UNC79: variants seen among roughly 807,000 people sequenced by gnomAD.
The protein encoded by UNC79 is protein unc-79 homolog.
Under a neutral mutation model 283.1 loss-of-function variants are expected in UNC79, and 37 were observed. The observed-to-expected ratio is 0.13, with a 90% confidence interval of 0.10 to 0.17. The LOEUF is 0.17. Among genes scored for constraint, UNC79 ranks in the 10% least tolerant of loss-of-function variants. The pLI is 1.00. For synonymous variants in UNC79, 1,107 were observed against 1,200.2 expected (o/e 0.92, Z 1.61); for missense variants, 2,272 against 3,211.1 (o/e 0.71, Z 7.07).
intron 1 of UNC79, among the ~76,000 whole-genome samples, chr14:93,370,518 A>G (rs1011502794): frequency 4.8e-4 from 73 of 152,256 alleles, no homozygotes; most frequent in African/African-American, 1.8e-3. Flanking sequence ...CACGCCTGTA[A>G]TCCCATCACG....
Position 93,688,994 on chromosome 14 carries a change from C to T in UNC79, c.7085+154C>T, listed in dbSNP as rs1299955060. On this transcript the variant is annotated intron_variant, in intron 44 of 48. Coordinates refer to ENST00000555664, the Ensembl canonical transcript of UNC79. The surrounding 1 kb of genome is among the most constrained non-coding windows in gnomAD (Gnocchi z 4.0). ...ATGGAAATCAGATCCCATCTCCTTA[C>T]GTACTTGCTGACCCAGAATGCTCTT... 8 of 788,634 alleles carry T rather than the reference C, an allele frequency of 1.0e-5. No homozygotes were observed. Among genetic ancestry groups the T allele is most frequent in the Middle Eastern group, 4.0e-4 (1 of 2,500 alleles). The allele number at this position is 788,634 out of a possible 1,614,324, so 48.9% of individuals were successfully genotyped here. A position where few individuals can be genotyped will look rare whatever the true frequency, so the allele number is the denominator to read the frequency against.
chr14:93,491,897 T>G (rs1350287044), intron 5 of UNC79, among the ~76,000 whole-genome samples: 5 of 152,208 alleles, frequency 3.3e-5, no homozygotes, highest in African/African-American at 1.2e-4. Context: ...CCAAAACTAG[T>G]CTTGTGATAT....
chr14:93,339,430 G>T (rs1457815742), intron 1 of UNC79, among the ~76,000 whole-genome samples: 3 of 152,122 alleles, frequency 2.0e-5, no homozygotes, highest in African/African-American at 7.2e-5. Flanking sequence ...CTCCCGAGTA[G>T]CTGGGACTAC....
intron 41 of UNC79, among the ~76,000 whole-genome samples, chr14:93,682,125 G>A (rs2073895355): frequency 6.6e-6 from 1 of 152,160 alleles, no homozygotes; most frequent in East Asian, 1.9e-4. Context: ...TCAGCACAAA[G>A]GATACATGTG....
chr14:93,520,818 G>A (rs879689799), intron 7 of UNC79, among the ~76,000 whole-genome samples: 2 of 151,634 alleles, frequency 1.3e-5, no homozygotes, highest in African/African-American at 2.4e-5. Context: ...GCTTTCCTTT[G>A]CCAATGTTTA....
intron 47 of UNC79, among the ~76,000 whole-genome samples, chr14:93,699,437 G>A (rs558302487): frequency 1.3e-5 from 2 of 152,086 alleles, no homozygotes; most frequent in South Asian, 4.1e-4. Flanking sequence ...TTTCAATACT[G>A]TTTTAGCTGC....
intron 33 of UNC79, among the ~76,000 whole-genome samples, chr14:93,642,469 C>T (rs1480863432): frequency 3.4e-5 from 5 of 147,766 alleles, no homozygotes; most frequent in African/African-American, 9.9e-5. Flanking sequence ...GTGGAAGGGG[C>T]TGATGTGAGT....
At chr14:93,412,869 G>A (rs1414960405) in intron 1 of UNC79, among the ~76,000 whole-genome samples, 1 of 152,012 alleles carries the variant, frequency 6.6e-6, no homozygotes, top group Non-Finnish European at 1.5e-5. Context: ...CACCAGACCT[G>A]TCCTACAAAA....
At position 93,706,698 on chromosome 14, in the gene UNC79, C is replaced by T. The variant is rs77826538; in HGVS notation, c.7591-6C>T. 31 of 1,613,412 alleles carry T rather than the reference C, an allele frequency of 1.9e-5. No homozygotes were observed. Among genetic ancestry groups the T allele is most frequent in the Non-Finnish European group, 2.5e-5 (30 of 1,179,840 alleles). ...TAAACTAAAACCTCTTGCCCTTTTTCGACAGCACTTATCTGCGGGACTCCA... is the reference window on the plus strand; with the variant it reads ...TAAACTAAAACCTCTTGCCCTTTTTTGACAGCACTTATCTGCGGGACTCCA... On this transcript the variant is annotated splice_region_variant and splice_polypyrimidine_tract_variant and intron_variant, in intron 48 of 48. Coordinates refer to ENST00000555664, the Ensembl canonical transcript of UNC79.
rs78052478 is a variant in UNC79 at position 93,680,187 on chromosome 14, C to T, written c.6742-2430C>T. Among the ~76,000 whole-genome samples, 14 of 152,290 alleles carry T rather than the reference C, an allele frequency of 9.2e-5. No individual in the cohort carries two copies. The East Asian group carries it at 1.5e-3, about 17-fold the overall frequency. On this transcript the variant is annotated intron_variant, in intron 41 of 48. Coordinates refer to ENST00000555664, the Ensembl canonical transcript of UNC79. ...AGTTGGATCCAACCTCAGATCTTGACGCTGTGTGATTGCTAACCATGCTGA... is the reference window on the plus strand; with the variant it reads ...AGTTGGATCCAACCTCAGATCTTGATGCTGTGTGATTGCTAACCATGCTGA...
At chr14:93,363,564 T>G (rs1035174951) in intron 1 of UNC79, among the ~76,000 whole-genome samples, 1 of 152,190 alleles carries the variant, frequency 6.6e-6, no homozygotes. Flanking sequence ...CAGTGAAGTA[T>G]TGAAGTCTCC....
intron 47 of UNC79, among the ~76,000 whole-genome samples, chr14:93,698,927 G>A (rs1159658522): frequency 3.9e-5 from 6 of 152,260 alleles, no homozygotes; most frequent in South Asian, 2.1e-4. Flanking sequence ...CACTTGAACA[G>A]TGTTGACTTT....
chr14:93,377,679 G>A (rs2054589106), intron 1 of UNC79, among the ~76,000 whole-genome samples: 1 of 152,172 alleles, frequency 6.6e-6, no homozygotes, highest in African/African-American at 2.4e-5. Flanking sequence ...AGCTGTAGTG[G>A]AATCCAATGT....
chr14:93,384,067 C>A (rs2139994163), intron 1 of UNC79, among the ~76,000 whole-genome samples: 1 of 152,296 alleles, frequency 6.6e-6, no homozygotes, highest in East Asian at 1.9e-4. Flanking sequence ...CATTTATCAG[C>A]AGCATGAAAA....
At chr14:93,534,111 A>C (rs2060953295) in intron 11 of UNC79, among the ~76,000 whole-genome samples, 1 of 152,242 alleles carries the variant, frequency 6.6e-6, no homozygotes, top group Admixed American at 6.5e-5. Context: ...AAGGGAAAGC[A>C]GATAGCAGTC....
At chr14:93,613,507 C>T (rs1474409929) in intron 27 of UNC79, among the ~76,000 whole-genome samples, 1 of 151,920 alleles carries the variant, frequency 6.6e-6, no homozygotes, top group African/African-American at 2.4e-5. Context: ...GTCCGCTTCC[C>T]GGGTTCACGC....
At chr14:93,377,105 T>C (rs1162125059) in intron 1 of UNC79, among the ~76,000 whole-genome samples, 2 of 145,888 alleles carry the variant, frequency 1.4e-5, no homozygotes, top group African/African-American at 2.5e-5. Flanking sequence ...TCTTTTTTTT[T>C]TTTTTTTTTT....
Position 93,621,740 on chromosome 14 carries a change from G to T in UNC79, c.4507G>T (p.Asp1503Tyr). 6.2e-7 allele frequency: 1 copy of T among 1,614,140 alleles called. No homozygotes were observed. The stretch of plus-strand genomic sequence containing the variant: ...ACGCTCTTTCAAACAAAAATCTCTT[G>T]ATATAGGGAATGCAGACTCGCTTTT... Residue 1503 changes from aspartate (D) to tyrosine (Y), a missense_variant, in exon 30 of 49, where the codon GAT becomes TAT. By Grantham distance (160) the Asp-to-Tyr change is radical. This residue lies in a region of UNC79 where 580 missense variants were observed against 632.2 expected (regional missense o/e 0.92). Coordinates refer to ENST00000555664, the Ensembl canonical transcript of UNC79. The surrounding 1 kb of genome is among the most constrained non-coding windows in gnomAD (Gnocchi z 4.8).
At chr14:93,464,994 A>G (rs1219291375) in intron 1 of UNC79, among the ~76,000 whole-genome samples, 1 of 152,228 alleles carries the variant, frequency 6.6e-6, no homozygotes, top group Non-Finnish European at 1.5e-5. Context: ...TATTACTGCT[A>G]AGATTTTGTT....
Sources: allele counts gnomAD v4.1 joint callset (sites outside exome capture counted in the v4.1 genomes callset), GRCh38; gene constraint gnomAD v4.1.1; regional missense constraint gnomAD v4.1.1; non-coding constraint Gnocchi (gnomAD v3.1); transcripts MANE v1.5; gene names NCBI Gene and HGNC (gene_info 2026-07-23, HGNC 2026-07-21).